NKAIN2: variants seen among roughly 807,000 people sequenced by gnomAD.
NKAIN2 encodes the protein sodium/potassium transporting ATPase interacting 2.
A neutral mutation model predicts 32.6 loss-of-function variants in NKAIN2; 14 were observed. The ratio of observed to expected loss-of-function variants is 0.43; its 90% CI spans 0.28 to 0.67. The LOEUF (loss-of-function observed/expected upper bound fraction) is 0.67, where lower values mean the gene tolerates loss of function less well. NKAIN2 is among the 30% of genes least tolerant of loss of function. NKAIN2 has a pLI of 0.17. For synonymous variants in NKAIN2, 80 were observed against 87.2 expected (o/e 0.92, Z 0.46); for missense variants, 198 against 258.3 (o/e 0.77, Z 1.60).
At chr6:123,908,079 A>G (rs1207156461) in intron 1 of NKAIN2, among the ~76,000 whole-genome samples, 1 of 152,202 alleles carries the variant, frequency 6.6e-6, no homozygotes, top group Non-Finnish European at 1.5e-5. Flanking sequence ...AACAATGCCC[A>G]TAGCTTAGTC....
intron 3 of NKAIN2, among the ~76,000 whole-genome samples, chr6:124,512,094 T>C (rs1182879950): frequency 3.3e-5 from 5 of 152,220 alleles, no homozygotes; most frequent in Admixed American, 2.0e-4. Context: ...AAATGGGACA[T>C]AGGTGATCAT....
chr6:123,900,076 C>A (rs1774484890), intron 1 of NKAIN2, among the ~76,000 whole-genome samples: 1 of 152,170 alleles, frequency 6.6e-6, no homozygotes, highest in Non-Finnish European at 1.5e-5. Context: ...AGGAAAGAGG[C>A]CCCTGGCCTA....
At chr6:124,139,668 T>C (rs1050286021) in intron 1 of NKAIN2, among the ~76,000 whole-genome samples, 4 of 152,164 alleles carry the variant, frequency 2.6e-5, no homozygotes, top group Non-Finnish European at 4.4e-5. Context: ...AGAAGAATTA[T>C]GATAAAATTT....
chr6:124,654,134 A>G (rs1784458146), intron 3 of NKAIN2, among the ~76,000 whole-genome samples: 2 of 152,194 alleles, frequency 1.3e-5, no homozygotes, highest in Admixed American at 1.3e-4. Flanking sequence ...TAATGTCAAC[A>G]TGAGCATGAT....
chr6:124,321,438 TG>T (rs1262811090), intron 2 of NKAIN2, among the ~76,000 whole-genome samples: 2 of 152,184 alleles, frequency 1.3e-5, no homozygotes, highest in Non-Finnish European at 2.9e-5. Context: ...CTGCACGTTC[TG>T]CACATGTATC....
chr6:124,577,043 T>A (rs2114931157), intron 3 of NKAIN2, among the ~76,000 whole-genome samples: 1 of 152,326 alleles, frequency 6.6e-6, no homozygotes, highest in Non-Finnish European at 1.5e-5. Flanking sequence ...TATTTTCAAA[T>A]TATATACCTG....
chr6:123,901,289 A>G (rs554475053), intron 1 of NKAIN2, among the ~76,000 whole-genome samples: 1 of 151,870 alleles, frequency 6.6e-6, no homozygotes, highest in Non-Finnish European at 1.5e-5. Flanking sequence ...GTTTGTTGTT[A>G]TTCTTGTTTT....
At chr6:123,856,164 C>T (rs1395551243) in intron 1 of NKAIN2, among the ~76,000 whole-genome samples, 1 of 152,142 alleles carries the variant, frequency 6.6e-6, no homozygotes, top group Non-Finnish European at 1.5e-5. Flanking sequence ...AAAACCCCTT[C>T]CTTTTTTTCC....
At chr6:124,527,590 A>G (rs9398759) in intron 3 of NKAIN2, among the ~76,000 whole-genome samples, 3,687 of 152,302 alleles carry the variant, frequency 0.024, 168 homozygotes, top group East Asian at 0.14. Context: ...TCATTTATGC[A>G]TAAATTTTGC....
chr6:124,646,262 TAGAGAATAATTAGCTCTTGGA>T (rs1784162986), intron 3 of NKAIN2, among the ~76,000 whole-genome samples: 1 of 152,122 alleles, frequency 6.6e-6, no homozygotes, highest in Non-Finnish European at 1.5e-5. Context: ...AAAGAACAAT[TAGAGAATAATTAGCTCTTGGA>T]AGTTCAAAAC....
At chr6:124,507,176 C>G (rs182032483) in intron 3 of NKAIN2, among the ~76,000 whole-genome samples, 61 of 152,264 alleles carry the variant, frequency 4.0e-4, no homozygotes, top group Admixed American at 1.3e-3. Flanking sequence ...TTATTTGTAC[C>G]AGCAAAGTAC....
At chr6:123,931,188 A>T (rs139151574) in intron 1 of NKAIN2, among the ~76,000 whole-genome samples, 356 of 151,558 alleles carry the variant, frequency 2.3e-3, no homozygotes, top group African/African-American at 8.1e-3. Context: ...CCCTCATCTG[A>T]AACAGTTCAA....
At chr6:124,143,302 T>G (rs1445395247) in intron 1 of NKAIN2, among the ~76,000 whole-genome samples, 1 of 151,894 alleles carries the variant, frequency 6.6e-6, no homozygotes, top group Admixed American at 6.6e-5. Context: ...TACAGAAAAA[T>G]TTTAACAAGT....
chr6:124,613,381 G>A (rs1334133180), intron 3 of NKAIN2, among the ~76,000 whole-genome samples: 1 of 152,040 alleles, frequency 6.6e-6, no homozygotes, highest in East Asian at 1.9e-4. Context: ...GTACACTGAG[G>A]ATATCCACTT....
chr6:124,179,395 T>C (rs1371380469), intron 1 of NKAIN2, among the ~76,000 whole-genome samples: 1 of 152,214 alleles, frequency 6.6e-6, no homozygotes, highest in Non-Finnish European at 1.5e-5. Context: ...TGCAATGACT[T>C]TGCACAAGTC....
At chr6:124,654,703 T>A (rs1221874333) in intron 3 of NKAIN2, among the ~76,000 whole-genome samples, 1 of 152,160 alleles carries the variant, frequency 6.6e-6, no homozygotes, top group Non-Finnish European at 1.5e-5. Context: ...AGGCCTTATA[T>A]TTTAAAAACA....
intron 1 of NKAIN2, among the ~76,000 whole-genome samples, chr6:124,142,314 TTGTTTTTGA>T (rs1365638519): frequency 1.1e-4 from 16 of 152,234 alleles, no homozygotes; most frequent in Non-Finnish European, 2.1e-4. Context: ...CTCCACATTT[TTGTTTTTGA>T]TGTGATTACC....
intron 4 of NKAIN2, among the ~76,000 whole-genome samples, chr6:124,665,174 A>G (rs1309612886): frequency 6.6e-6 from 1 of 152,214 alleles, no homozygotes; most frequent in Non-Finnish European, 1.5e-5. Flanking sequence ...CCTACAATTC[A>G]TATGGAACCA....
In NKAIN2 at chr6:124,562,712, A is replaced by G. The variant is rs1231403459; in HGVS notation, c.274-95474A>G. Among the ~76,000 whole-genome samples the G allele has an allele frequency of 3.9e-5, 6 of 152,234 alleles. No homozygotes were observed. The East Asian group carries it at 9.6e-4, about 24-fold the overall frequency. On this transcript the variant is annotated intron_variant, in intron 3 of 6. Coordinates refer to ENST00000368417, the MANE Select transcript of NKAIN2 (RefSeq NM_001040214.3). ...TATTTTTCCAAAGCAAAAAACTTCCATGGAAGGAGTGCCATTTGTTTTACC... is the reference window on the plus strand; with the variant it reads ...TATTTTTCCAAAGCAAAAAACTTCCGTGGAAGGAGTGCCATTTGTTTTACC...
Sources: gnomAD v4.1 joint callset for allele counts (sites outside exome capture counted in the v4.1 genomes callset) on GRCh38, gnomAD v4.1.1 for gene constraint, MANE v1.5 for transcripts, NCBI Gene and HGNC (gene_info 2026-07-23, HGNC 2026-07-21) for gene names.